Variants in SHROOM4 observed in about 807,000 individuals in gnomAD.
SHROOM4 encodes protein Shroom4.
Under a neutral mutation model 80.3 loss-of-function variants are expected in SHROOM4, and 17 were observed. The ratio of observed to expected loss-of-function variants is 0.21; its 90% CI spans 0.14 to 0.32. The LOEUF (loss-of-function observed/expected upper bound fraction) is 0.32, where lower values mean the gene tolerates loss of function less well. Among genes scored for constraint, SHROOM4 ranks in the 10% least tolerant of loss-of-function variants. The pLI is 1.00. For synonymous variants in SHROOM4, 400 were observed against 437.5 expected, an observed-to-expected ratio of 0.91 and a Z score of 1.07; for missense variants, 993 against 1,140.3, an observed-to-expected ratio of 0.87 and a Z score of 1.86.
chrX:50,602,622 A>G lies in SHROOM4; in HGVS notation c.3942+11T>C. On this transcript the variant is annotated intron_variant, in intron 7 of 8. Transcript: ENST00000376020. Reference sequence around the variant, plus strand: ...TTCTGAAAATCTCTAGGACACATCAAAAAACTTTACCTTTTTTTGAGCCAG... The same window carrying G: ...TTCTGAAAATCTCTAGGACACATCAGAAAACTTTACCTTTTTTTGAGCCAG... The G allele has an allele frequency of 1.7e-6, 2 of 1,210,839 alleles. No individual in the cohort carries two copies. The highest frequency in any genetic ancestry group is 2.2e-6 in the Non-Finnish European group (2 of 894,795).
intron 2 of SHROOM4, among the ~76,000 whole-genome samples, chrX:50,694,463 T>G (rs1169832023): frequency 9.2e-6 from 1 of 108,618 alleles, no homozygotes; most frequent in Non-Finnish European, 1.9e-5. Flanking sequence ...ATGTTGAGCA[T>G]TTTTTCATAT....
chrX:50,746,425 T>C (rs953112166), intron 1 of SHROOM4, among the ~76,000 whole-genome samples: 2 of 111,816 alleles, frequency 1.8e-5, no homozygotes, highest in African/African-American at 6.5e-5. Flanking sequence ...TCTTTTTGCC[T>C]CTAGGTCAAA....
intron 1 of SHROOM4, among the ~76,000 whole-genome samples, chrX:50,809,658 C>G (rs1408597132): frequency 8.9e-6 from 1 of 112,090 alleles, no homozygotes; most frequent in African/African-American, 3.3e-5. Flanking sequence ...CTCCCCTACC[C>G]CACTCTGTTT....
Position 50,646,019 on chromosome X carries a change from G to A in SHROOM4, c.270-7711C>T, listed in dbSNP as rs782562975. On this transcript the variant is annotated intron_variant, in intron 2 of 8. Coordinates refer to ENST00000376020, the MANE Select transcript of SHROOM4 (RefSeq NM_020717.5). ...GATAGCACCATCTGTCTTTGAGCCT[G>A]GCTCCCAGCAGACCCCTGAAGAGAT... is the stretch of plus-strand genomic sequence containing the variant. Among the ~76,000 whole-genome samples the A allele has an allele frequency of 8.1e-5, 9 of 111,644 alleles. No homozygotes were observed. The South Asian group carries it at 2.3e-3, about 28-fold the overall frequency.
At chrX:50,575,874 T>A in the SHROOM4 span, among the ~76,000 whole-genome samples, 1 of 112,001 alleles carries the variant, frequency 8.9e-6, no homozygotes, top group African/African-American at 3.2e-5. Flanking sequence ...CGCAGTTCCA[T>A]GAATCCTCAA....
chrX:50,598,433 C>A lies in SHROOM4; in HGVS notation c.4045G>T (p.Val1349Leu). Reference protein sequence around the residue: ...INANSALGEEVEANLKAVCKS... With the variant: ...INANSALGEELEANLKAVCKS... The stretch of plus-strand genomic sequence containing the variant: ...CAGACGGCTTTTAAGTTGGCCTCCA[C>A]CTCCTCCCCAAGGGCAGAATTGGCA... The change falls in exon 8 of 9, where the codon GTG (valine) becomes TTG (leucine). Residue 1349 changes from valine (V) to leucine (L), a missense_variant. By Grantham distance (32) the Val-to-Leu change is conservative (BLOSUM62 1). Coordinates refer to ENST00000376020, the MANE Select transcript of SHROOM4 (RefSeq NM_020717.5). 1 of 1,209,252 alleles carries A rather than the reference C, an allele frequency of 8.3e-7. No homozygotes were observed. The highest frequency in any genetic ancestry group is 1.1e-6 in the Non-Finnish European group (1 of 894,246).
At chrX:50,664,756 C>G (rs1232240914) in intron 2 of SHROOM4, among the ~76,000 whole-genome samples, 2 of 111,433 alleles carry the variant, frequency 1.8e-5, no homozygotes, top group Admixed American at 9.6e-5. Flanking sequence ...ATTAAAGATG[C>G]CTGAATTGAA....
chrX:50,762,874 T>A (rs1158970022), intron 1 of SHROOM4, among the ~76,000 whole-genome samples: 1 of 111,993 alleles, frequency 8.9e-6, no homozygotes, highest in Non-Finnish European at 1.9e-5. Flanking sequence ...TACTTAGGTG[T>A]ATATCTTTAT....
rs565107391 is a variant in SHROOM4, at chrX:50,629,128, C to T, written c.2896-1453G>A. ...ACTCCCAACCACCTTCCCAGGTCCACAGTATCACTCTACTTTTTTTTTCCC... is the reference window on the plus strand; with the variant it reads ...ACTCCCAACCACCTTCCCAGGTCCATAGTATCACTCTACTTTTTTTTTCCC... On this transcript the variant is annotated intron_variant, in intron 4 of 8. Transcript: ENST00000376020. Among the ~76,000 whole-genome samples the T allele has an allele frequency of 7.9e-4, 89 of 112,035 alleles. 1 individual carries two copies. The South Asian group carries it at 0.032, about 40-fold the overall frequency.
intron 1 of SHROOM4, among the ~76,000 whole-genome samples, chrX:50,787,020 C>A (rs1156460344): frequency 9.1e-6 from 1 of 110,207 alleles, no homozygotes; most frequent in Non-Finnish European, 1.9e-5. Flanking sequence ...AGTTTGAGAC[C>A]AGCCTCGGCA....
intron 1 of SHROOM4, among the ~76,000 whole-genome samples, chrX:50,784,952 G>T (rs1935709243): frequency 9.0e-6 from 1 of 111,178 alleles, no homozygotes; most frequent in Non-Finnish European, 1.9e-5. Flanking sequence ...ATGTACAAAA[G>T]ATTTAAATAG....
intron 2 of SHROOM4, among the ~76,000 whole-genome samples, chrX:50,640,519 A>C (rs1931550974): frequency 9.1e-6 from 1 of 110,218 alleles, no homozygotes; most frequent in African/African-American, 3.3e-5. Context: ...TGCCCCAAAT[A>C]CTGCAGAAGT....
At chrX:50,679,652 T>C (rs377141673) in intron 2 of SHROOM4, among the ~76,000 whole-genome samples, 3 of 111,600 alleles carry the variant, frequency 2.7e-5, no homozygotes, top group South Asian at 3.8e-4. Flanking sequence ...ATCAGAGTAA[T>C]TGGAATATCC....
chrX:50,786,055 G>A (rs1342012312), intron 1 of SHROOM4, among the ~76,000 whole-genome samples: 2 of 111,501 alleles, frequency 1.8e-5, no homozygotes, highest in Non-Finnish European at 3.8e-5. Context: ...AGAGACTCCT[G>A]TACGATGAGA....
At chrX:50,799,741 T>A (rs1464289241) in intron 1 of SHROOM4, among the ~76,000 whole-genome samples, 8 of 111,949 alleles carry the variant, frequency 7.1e-5, no homozygotes, top group Middle Eastern at 4.2e-3. Flanking sequence ...CCAAAGCTAC[T>A]GCCTCTCAGC....
intron 5 of SHROOM4, among the ~76,000 whole-genome samples, chrX:50,626,695 T>C (rs1212607861): frequency 1.8e-5 from 2 of 112,077 alleles, no homozygotes; most frequent in East Asian, 2.8e-4. Context: ...GTTATAATCA[T>C]ACCTACCTGA....
intron 1 of SHROOM4, among the ~76,000 whole-genome samples, chrX:50,783,441 G>T (rs1172830380): frequency 8.9e-6 from 1 of 111,944 alleles, no homozygotes; most frequent in South Asian, 3.7e-4. Flanking sequence ...TAAATGGAGA[G>T]ATATACATTG....
intron 4 of SHROOM4, among the ~76,000 whole-genome samples, chrX:50,630,842 A>C (rs781850130): frequency 2.2e-4 from 25 of 111,885 alleles, no homozygotes; most frequent in Non-Finnish European, 3.9e-4. Flanking sequence ...AAGCTTACTC[A>C]AGGAGAAATA....
chrX:50,603,577 T>G (rs1001984837), intron 6 of SHROOM4, among the ~76,000 whole-genome samples: 4 of 111,351 alleles, frequency 3.6e-5, no homozygotes, highest in Non-Finnish European at 7.5e-5. Context: ...GGCTCCTGCC[T>G]CCTCCATGGT....
Sources: allele counts gnomAD v4.1 joint callset (sites outside exome capture counted in the v4.1 genomes callset), GRCh38; gene constraint gnomAD v4.1.1; transcripts MANE v1.5; gene names NCBI Gene and HGNC (gene_info 2026-07-23, HGNC 2026-07-21).